The following PTPRT variants were observed in gnomAD, a reference collection of about 807,000 sequenced individuals.
The protein encoded by PTPRT is protein tyrosine phosphatase receptor type T, also known as receptor-type tyrosine-protein phosphatase T.
A neutral mutation model predicts 176.8 loss-of-function variants in PTPRT; 56 were observed. The observed-to-expected ratio is 0.32, with a 90% CI of 0.26 to 0.40. The LOEUF is 0.40. Ranked by LOEUF, PTPRT falls within the 10% of genes least tolerant of loss-of-function variation. The pLI is 1.00. For synonymous variants in PTPRT, 783 were observed against 739.0 expected, an observed-to-expected ratio of 1.06 and a Z score of -0.96; for missense variants, 1,540 against 1,908.2, an observed-to-expected ratio of 0.81 and a Z score of 3.60.
rs112736557 is a variant in PTPRT, at chr20:42,824,893, T to TA, written c.215-33428dup. Among the ~76,000 whole-genome samples the TA allele has an allele frequency of 3.9e-3, 591 of 152,046 alleles. 5 individuals are homozygous for TA. Among genetic ancestry groups the TA allele is most frequent in the African/African-American group, 0.013 (559 of 41,548 alleles). On this transcript the variant is annotated intron_variant, in intron 2 of 30. Coordinates refer to ENST00000373187, the MANE Select transcript of PTPRT (RefSeq NM_007050.6). ...GGTAAAGAATAATATCCTTTCTCCA[T>TA]AAAAAAGCTTATAATATACATATAT...
At chr20:42,083,418 T>C (rs1385077881) in intron 29 of PTPRT, among the ~76,000 whole-genome samples, 5 of 152,164 alleles carry the variant, frequency 3.3e-5, no homozygotes, top group Non-Finnish European at 7.4e-5. Flanking sequence ...TGGGCTTGGC[T>C]GATGTCACCC....
chr20:42,129,083 C>G (rs932618370), intron 18 of PTPRT, among the ~76,000 whole-genome samples: 1 of 152,156 alleles, frequency 6.6e-6, no homozygotes, highest in East Asian at 1.9e-4. Flanking sequence ...TCACCTGTTT[C>G]TTTAAGTCTT....
chr20:42,734,111 A>T (rs6072847), intron 6 of PTPRT, among the ~76,000 whole-genome samples: 1 of 152,162 alleles, frequency 6.6e-6, no homozygotes, highest in African/African-American at 2.4e-5. Context: ...TGTCATGCAT[A>T]TGGCCACTAG....
In PTPRT at chr20:42,173,034, T is replaced by C. The variant is rs539465024; in HGVS notation, c.2492-11492A>G. Among the ~76,000 whole-genome samples the C allele has an allele frequency of 4.3e-4, 66 of 152,338 alleles. 1 individual carries two copies. Among genetic ancestry groups the C allele is most frequent in the Admixed American group, 2.0e-3 (31 of 15,302 alleles). On this transcript the variant is annotated intron_variant, in intron 16 of 30. Transcript: ENST00000373187. ...AATATGTGGCTGGTCATACATGCTG[T>C]GCACTGTTCAATTTTAGAGGGTGTC...
intron 9 of PTPRT, among the ~76,000 whole-genome samples, chr20:42,444,323 T>A (rs1392813740): frequency 1.3e-5 from 2 of 152,118 alleles, no homozygotes; most frequent in South Asian, 4.1e-4. Context: ...AGAGGTAGAA[T>A]TTTTGATTTC....
chr20:42,400,329 T>A (rs2058892881), intron 9 of PTPRT, among the ~76,000 whole-genome samples: 1 of 152,042 alleles, frequency 6.6e-6, no homozygotes, highest in African/African-American at 2.4e-5. Flanking sequence ...ATTCAACTAT[T>A]TTGATAATTT....
chr20:43,074,325 T>C (rs180782931), intron 1 of PTPRT, among the ~76,000 whole-genome samples: 39 of 152,336 alleles, frequency 2.6e-4, no homozygotes, highest in African/African-American at 7.2e-4. Context: ...TACGTTCTTT[T>C]TCAGTGTAAA....
chr20:42,061,360 G>C, the PTPRT span, among the ~76,000 whole-genome samples: 1 of 152,070 alleles, frequency 6.6e-6, no homozygotes, highest in Non-Finnish European at 1.5e-5. Flanking sequence ...ATTAGAATGA[G>C]CCCGCGCAGT....
intron 7 of PTPRT, among the ~76,000 whole-genome samples, chr20:42,604,345 T>G (rs2073834964): frequency 6.6e-6 from 1 of 152,230 alleles, no homozygotes. Context: ...CTCATCTGAA[T>G]TACTGATGTT....
chr20:42,601,238 T>G (rs1285794021), intron 7 of PTPRT, among the ~76,000 whole-genome samples: 1 of 152,202 alleles, frequency 6.6e-6, no homozygotes, highest in Non-Finnish European at 1.5e-5. Context: ...GGGTCACCTT[T>G]GGCTCTTCTC....
chr20:42,643,003 C>A (rs905782754), intron 7 of PTPRT, among the ~76,000 whole-genome samples: 3 of 152,144 alleles, frequency 2.0e-5, no homozygotes, highest in African/African-American at 4.8e-5. Flanking sequence ...CGAGAAGACA[C>A]CCCAAGGCCA....
chr20:42,549,006 C>T (rs1167099542), intron 7 of PTPRT, among the ~76,000 whole-genome samples: 1 of 152,044 alleles, frequency 6.6e-6, no homozygotes, highest in Non-Finnish European at 1.5e-5. Flanking sequence ...ACCTGCAGCT[C>T]GGGAGCATGG....
At chr20:43,070,952 G>A (rs2011172283) in intron 1 of PTPRT, among the ~76,000 whole-genome samples, 1 of 129,604 alleles carries the variant, frequency 7.7e-6, no homozygotes, top group Non-Finnish European at 1.6e-5. Context: ...ATGTACCCTA[G>A]AACTTAAAGT....
intron 27 of PTPRT, among the ~76,000 whole-genome samples, chr20:42,086,948 GGAAA>G (rs1984030681): frequency 6.6e-6 from 1 of 150,606 alleles, no homozygotes; most frequent in Non-Finnish European, 1.5e-5. Flanking sequence ...ATCTGGAATT[GGAAA>G]TTAGAACCTA....
rs376152261 is a variant in PTPRT, at chr20:42,472,480, G to A, written c.1236C>T (p.Tyr412=). 2.3e-5 allele frequency: 37 copies of A among 1,614,118 alleles called. No individual in the cohort carries two copies. Among genetic ancestry groups the A allele is most frequent in the Middle Eastern group, 1.6e-4 (1 of 6,084 alleles). ...TGTAGCTATGGCAGCGGGTCACCGC[G>A]TAGCCGAAGGGCTCCCACTGCAGGG... The part of the protein sequence containing the change: ...QLTLQWEPFG[Y]AVTRCHSYNL... The change falls in exon 8 of 31, where the codon TAC becomes TAT. Residue 412 remains tyrosine (Y), a synonymous_variant. Transcript: ENST00000373187.
intron 1 of PTPRT, among the ~76,000 whole-genome samples, chr20:42,927,253 C>A (rs1979548435): frequency 6.6e-6 from 1 of 152,144 alleles, no homozygotes; most frequent in Non-Finnish European, 1.5e-5. Flanking sequence ...TTAAGGGGAC[C>A]AGCAGAAAGA....
intron 1 of PTPRT, among the ~76,000 whole-genome samples, chr20:42,908,838 G>A (rs1007058098): frequency 5.3e-5 from 8 of 152,122 alleles, no homozygotes; most frequent in African/African-American, 1.9e-4. Context: ...CCACACTAGG[G>A]TAGCTAGTAT....
intron 6 of PTPRT, among the ~76,000 whole-genome samples, chr20:42,689,138 G>A (rs1045448981): frequency 5.3e-5 from 8 of 152,074 alleles, no homozygotes; most frequent in Admixed American, 2.6e-4. Context: ...TTCTGTTTTC[G>A]CACCCAAAAA....
chr20:42,234,447 G>A (rs1421360081), intron 15 of PTPRT, among the ~76,000 whole-genome samples: 1 of 152,164 alleles, frequency 6.6e-6, no homozygotes, highest in Non-Finnish European at 1.5e-5. Flanking sequence ...ACACCATATT[G>A]TTTCGTACCT....
Sources: gnomAD v4.1 joint callset for allele counts (sites outside exome capture counted in the v4.1 genomes callset) on GRCh38, gnomAD v4.1.1 for gene constraint, MANE v1.5 for transcripts, NCBI Gene and HGNC (gene_info 2026-07-23, HGNC 2026-07-21) for gene names.